PCDH15: variants seen among roughly 807,000 people sequenced by gnomAD.
PCDH15 encodes protocadherin related 15.
Under a neutral mutation model 178.5 loss-of-function variants are expected in PCDH15, and 129 were observed. The observed-to-expected ratio is 0.72, with a 90% CI of 0.63 to 0.84. The LOEUF (loss-of-function observed/expected upper bound fraction) is 0.84, where lower values mean the gene tolerates loss of function less well. PCDH15 is among the 40% of genes least tolerant of loss of function. PCDH15 has a pLI of 0.00. For missense variants in PCDH15, 2,230 were observed against 2,099.9 expected (o/e 1.06, Z -1.21); for synonymous variants, 800 against 732.0 (o/e 1.09, Z -1.50).
At chr10:54,051,686 T>C (rs1424227007) in intron 18 of PCDH15, among the ~76,000 whole-genome samples, 1 of 151,986 alleles carries the variant, frequency 6.6e-6, no homozygotes, top group African/African-American at 2.4e-5. Context: ...TGGGGAGAAA[T>C]TCAAGCCTGC....
At chr10:54,726,113 T>A (rs1942459728) in intron 1 of PCDH15, among the ~76,000 whole-genome samples, 1 of 151,110 alleles carries the variant, frequency 6.6e-6, no homozygotes, top group South Asian at 2.1e-4. Context: ...CTCCCTCCCC[T>A]TTTTGTGGAA....
intron 1 of PCDH15, among the ~76,000 whole-genome samples, chr10:55,196,937 A>T (rs886258153): frequency 5.3e-5 from 8 of 152,024 alleles, no homozygotes; most frequent in Non-Finnish European, 8.8e-5. Context: ...AAGAATTTTT[A>T]AAAATTATCA....
intron 2 of PCDH15, among the ~76,000 whole-genome samples, chr10:55,047,849 T>C (rs1159447358): frequency 1.3e-5 from 2 of 151,792 alleles, no homozygotes; most frequent in Non-Finnish European, 3.0e-5. Context: ...ATCAGAGAAA[T>C]CTAGCAGGAA....
chr10:55,377,146 T>TAAAAAAAAAAAAA, intron 2 of PCDH15, among the ~76,000 whole-genome samples: 1 of 105,340 alleles, frequency 9.5e-6, no homozygotes. Flanking sequence ...CTTTCTTCAC[T>TAAAAAAAAAAAAA]AAAAAAAAAA....
intron 14 of PCDH15, among the ~76,000 whole-genome samples, chr10:54,136,985 G>C (rs533522289): frequency 6.5e-4 from 99 of 152,212 alleles, no homozygotes; most frequent in African/African-American, 2.3e-3. Flanking sequence ...TAACCACCAG[G>C]CTTCTTGAGG....
chr10:53,881,610 G>A (rs1020045435), intron 26 of PCDH15, among the ~76,000 whole-genome samples: 2 of 151,750 alleles, frequency 1.3e-5, no homozygotes, highest in African/African-American at 4.8e-5. Flanking sequence ...TAAATTATTA[G>A]ACATACATAA....
chr10:54,106,917 A>G (rs1281032654), intron 15 of PCDH15, among the ~76,000 whole-genome samples: 16 of 152,238 alleles, frequency 1.1e-4, no homozygotes. Flanking sequence ...TCAAATACAC[A>G]TATAATCCAG....
At chr10:54,208,116 C>G (rs1469596771) in intron 10 of PCDH15, among the ~76,000 whole-genome samples, 1 of 151,896 alleles carries the variant, frequency 6.6e-6, no homozygotes, top group Non-Finnish European at 1.5e-5. Flanking sequence ...AATACGAACA[C>G]TTAGTGTATC....
At chr10:53,849,957 C>T (rs918408512) in intron 28 of PCDH15, among the ~76,000 whole-genome samples, 2 of 149,792 alleles carry the variant, frequency 1.3e-5, no homozygotes, top group Admixed American at 6.7e-5. Flanking sequence ...CCTTAATATA[C>T]GTGAAATATA....
chr10:54,334,236 A>T (rs1006719042), intron 6 of PCDH15, among the ~76,000 whole-genome samples: 2 of 152,162 alleles, frequency 1.3e-5, no homozygotes, highest in Admixed American at 6.5e-5. Flanking sequence ...CCATTTAGTA[A>T]AATAAGGGCA....
intron 15 of PCDH15, among the ~76,000 whole-genome samples, chr10:54,129,416 A>T (rs1363947567): frequency 3.9e-5 from 6 of 152,202 alleles, no homozygotes; most frequent in East Asian, 1.9e-4. Flanking sequence ...TTAGAAAAAC[A>T]TTTCCCTAGA....
intron 2 of PCDH15, among the ~76,000 whole-genome samples, chr10:55,010,195 AC>A (rs1423793813): frequency 2.0e-5 from 3 of 152,096 alleles, no homozygotes; most frequent in Non-Finnish European, 4.4e-5. Flanking sequence ...GAAGTAAAAA[AC>A]TAAAAAAGGA....
chr10:55,320,666 C>A (rs891416531), upstream of PCDH15, among the ~76,000 whole-genome samples: 2 of 152,102 alleles, frequency 1.3e-5, no homozygotes, highest in Non-Finnish European at 2.9e-5. Context: ...TTAGAGTATG[C>A]AGAGCCTTGG....
At chr10:55,030,008 T>C (rs1840569394) in intron 2 of PCDH15, among the ~76,000 whole-genome samples, 1 of 152,186 alleles carries the variant, frequency 6.6e-6, no homozygotes, top group African/African-American at 2.4e-5. Flanking sequence ...GTAATATTAT[T>C]ATCATTTCTT....
intron 8 of PCDH15, among the ~76,000 whole-genome samples, chr10:54,238,659 C>CCTCT (rs141677915): frequency 0.22 from 28,449 of 129,268 alleles, 3,552 homozygotes; most frequent in Non-Finnish European, 0.29. Flanking sequence ...TCCCATGCTG[C>CCTCT]CTCTCTCTCT....
At chr10:54,782,234 T>C (rs1950433365) in intron 1 of PCDH15, among the ~76,000 whole-genome samples, 1 of 152,094 alleles carries the variant, frequency 6.6e-6, no homozygotes, top group Non-Finnish European at 1.5e-5. Context: ...AGTAGTACAA[T>C]ACTGTGAACA....
intron 2 of PCDH15, among the ~76,000 whole-genome samples, chr10:55,098,968 C>A (rs539133973): frequency 7.3e-6 from 1 of 136,604 alleles, no homozygotes; most frequent in East Asian, 2.1e-4. Context: ...GCCTATTAAA[C>A]CTCTGCTCCT....
intron 15 of PCDH15, among the ~76,000 whole-genome samples, chr10:54,118,502 T>C (rs1207448498): frequency 6.6e-6 from 1 of 151,820 alleles, no homozygotes; most frequent in Non-Finnish European, 1.5e-5. Context: ...CTACTAAAAA[T>C]ACAAAAAATT....
rs1227484679 is a variant in PCDH15 at position 55,161,225 on chromosome 10, C to T, written c.-80+5351G>A. Among the ~76,000 whole-genome samples the T allele has an allele frequency of 4.6e-5, 7 of 152,266 alleles. No individual in the cohort carries two copies. The East Asian group carries it at 9.6e-4, about 21-fold the overall frequency. On this transcript the variant is annotated intron_variant, in intron 2 of 5. Coordinates refer to the PCDH15 transcript ENST00000458638. ...AAAGTTATTCCCTTCTTCATGCCCTCCTCTACTGCTACAAATTTCTCAAGA... is the reference window on the plus strand; with the variant it reads ...AAAGTTATTCCCTTCTTCATGCCCTTCTCTACTGCTACAAATTTCTCAAGA...
Sources: gnomAD v4.1 joint callset for allele counts (sites outside exome capture counted in the v4.1 genomes callset) on GRCh38, gnomAD v4.1.1 for gene constraint, MANE v1.5 for transcripts, NCBI Gene and HGNC (gene_info 2026-07-23, HGNC 2026-07-21) for gene names.